CPVL: variants seen among roughly 807,000 people sequenced by gnomAD.
CPVL encodes the protein probable serine carboxypeptidase CPVL.
A neutral mutation model predicts 63.7 loss-of-function variants in CPVL; 51 were observed. The observed-to-expected ratio is 0.80, with a 90% CI of 0.64 to 1.01. The LOEUF (loss-of-function observed/expected upper bound fraction) is 1.01. Among genes scored for constraint, CPVL ranks in the 50% least tolerant of loss-of-function variants. The pLI, the probability that CPVL is intolerant of heterozygous loss-of-function variation, is 0.00. For synonymous variants in CPVL, 195 were observed against 206.0 expected, an observed-to-expected ratio of 0.95 and a Z score of 0.46; for missense variants, 530 against 573.1, an observed-to-expected ratio of 0.92 and a Z score of 0.77.
intron 3 of CPVL, among the ~76,000 whole-genome samples, chr7:29,102,528 C>A (rs982438361): frequency 1.3e-5 from 2 of 152,126 alleles, no homozygotes; most frequent in African/African-American, 4.8e-5. Flanking sequence ...ACTTAAAGGT[C>A]AAAGTCCTGC....
At chr7:29,045,206 G>A (rs1050012595) in intron 11 of CPVL, among the ~76,000 whole-genome samples, 15 of 152,194 alleles carry the variant, frequency 9.9e-5, no homozygotes, top group African/African-American at 4.8e-5. Flanking sequence ...TAGGTGAATC[G>A]AAATCAATTT....
chr7:29,008,239 G>C (rs551115235), intron 12 of CPVL, among the ~76,000 whole-genome samples: 1 of 152,264 alleles, frequency 6.6e-6, no homozygotes, highest in Admixed American at 6.5e-5. Context: ...GAGGGTAAGA[G>C]TTAAGGTTGG....
At chr7:29,191,266 C>T (rs1337237166) in intron 1 of CPVL, among the ~76,000 whole-genome samples, 2 of 152,086 alleles carry the variant, frequency 1.3e-5, no homozygotes, top group Non-Finnish European at 2.9e-5. Flanking sequence ...AAATATATAC[C>T]AAAAGTACCA....
intron 1 of CPVL, among the ~76,000 whole-genome samples, chr7:29,139,933 TTAG>T (rs1455818835): frequency 6.6e-6 from 1 of 152,250 alleles, no homozygotes; most frequent in Non-Finnish European, 1.5e-5. Flanking sequence ...ATCTTCAGAA[TTAG>T]CTATGGCTGC....
chr7:29,076,532 T>G (rs1784267501), intron 7 of CPVL, among the ~76,000 whole-genome samples: 1 of 152,230 alleles, frequency 6.6e-6, no homozygotes, highest in African/African-American at 2.4e-5. Context: ...CGGATAAACA[T>G]AACACATCTA....
chr7:29,190,011 G>A (rs1439411029), intron 1 of CPVL, among the ~76,000 whole-genome samples: 1 of 152,246 alleles, frequency 6.6e-6, no homozygotes, highest in Non-Finnish European at 1.5e-5. Flanking sequence ...GCTACCTGCG[G>A]CGTCTGAGCT....
intron 7 of CPVL, among the ~76,000 whole-genome samples, chr7:29,082,780 T>A (rs535019425): frequency 6.6e-6 from 1 of 152,348 alleles, no homozygotes; most frequent in Non-Finnish European, 1.5e-5. Context: ...ACAAGGCAGA[T>A]GTGAAATAAC....
At chr7:29,167,819 G>T (rs73688312) in intron 5 of CPVL, among the ~76,000 whole-genome samples, 350 of 152,306 alleles carry the variant, frequency 2.3e-3, no homozygotes, top group African/African-American at 8.1e-3. Flanking sequence ...TCCTTGTTAT[G>T]AGTGAGTTTG....
chr7:29,051,010 C>T (rs1053536853), intron 11 of CPVL, among the ~76,000 whole-genome samples: 1 of 152,104 alleles, frequency 6.6e-6, no homozygotes, highest in Non-Finnish European at 1.5e-5. Flanking sequence ...GAAAGGACAC[C>T]CTTTTCAACA....
chr7:29,161,808 A>G (rs192505605), intron 5 of CPVL, among the ~76,000 whole-genome samples: 1 of 152,372 alleles, frequency 6.6e-6, no homozygotes, highest in African/African-American at 2.4e-5. Flanking sequence ...AGAATATATA[A>G]AGAGTTCTCT....
rs189072494 is a variant in CPVL at position 29,174,814 on chromosome 7, T to A, written c.-11+6476A>T. Among the ~76,000 whole-genome samples the A allele has an allele frequency of 3.3e-5, 5 of 150,498 alleles. No homozygotes were observed. The East Asian group carries it at 9.8e-4, about 30-fold the overall frequency. ...GGTGGAGGTTGCAGTGAGCCAAGAT[T>A]GTGCCATCGCACTCCAGCCTGGGCA... On this transcript the variant is annotated intron_variant, in intron 5 of 16. Coordinates refer to the CPVL transcript ENST00000409850.
chr7:28,996,552 A>C (rs927196901), intron 12 of CPVL, among the ~76,000 whole-genome samples: 6 of 151,520 alleles, frequency 4.0e-5, no homozygotes, highest in East Asian at 3.9e-4. Context: ...CAAAAAACAA[A>C]AAAAAAAAAA....
At chr7:29,140,616 A>G (rs992072451) in intron 1 of CPVL, among the ~76,000 whole-genome samples, 5 of 152,162 alleles carry the variant, frequency 3.3e-5, no homozygotes, top group African/African-American at 1.2e-4. Context: ...CCTATTACTC[A>G]CTATACAACT....
intron 12 of CPVL, among the ~76,000 whole-genome samples, chr7:29,007,170 G>A (rs1022324578): frequency 6.6e-6 from 1 of 152,132 alleles, no homozygotes; most frequent in Non-Finnish European, 1.5e-5. Context: ...AGAAAGTTAC[G>A]CATTGTTGCC....
chr7:29,134,472 T>C (rs536078961), intron 1 of CPVL, among the ~76,000 whole-genome samples: 2 of 152,230 alleles, frequency 1.3e-5, no homozygotes, highest in Admixed American at 6.5e-5. Flanking sequence ...CAAAAGAAAC[T>C]GCACAAAAAT....
chr7:29,019,305 C>A (rs1472032151), intron 12 of CPVL, among the ~76,000 whole-genome samples: 1 of 152,166 alleles, frequency 6.6e-6, no homozygotes, highest in African/African-American at 2.4e-5. Flanking sequence ...AGGGCAGTGT[C>A]CAATCCTTAA....
At chr7:29,072,004 A>T (rs317719) in intron 8 of CPVL, 100 bp from the exon 9 acceptor site, 1 of 1,466,198 alleles carries the variant, frequency 6.8e-7, no homozygotes, top group African/African-American at 1.4e-5. Flanking sequence ...AATTGTTAAT[A>T]TTGTGCTGGT....
intron 12 of CPVL, among the ~76,000 whole-genome samples, chr7:28,997,146 A>G (rs1169354859): frequency 6.6e-6 from 1 of 152,230 alleles, no homozygotes; most frequent in East Asian, 1.9e-4. Flanking sequence ...CCAAAAGGGC[A>G]AGGACTGACA....
chr7:29,050,118 C>T (rs977573158), intron 11 of CPVL, among the ~76,000 whole-genome samples: 11 of 152,130 alleles, frequency 7.2e-5, no homozygotes, highest in African/African-American at 2.7e-4. Flanking sequence ...ATTCTCACCA[C>T]TCCTCTTCAA....
Sources: gnomAD v4.1 joint callset for allele counts (sites outside exome capture counted in the v4.1 genomes callset) on GRCh38, gnomAD v4.1.1 for gene constraint, MANE v1.5 for transcripts, NCBI Gene and HGNC (gene_info 2026-07-23, HGNC 2026-07-21) for gene names.